Variants in DNASE1L3 observed in about 807,000 individuals in gnomAD.
DNASE1L3 encodes deoxyribonuclease 1L3, also known as deoxyribonuclease gamma.
A neutral mutation model predicts 30.9 loss-of-function variants in DNASE1L3; 27 were observed. That is an observed-to-expected ratio of 0.87 (90% confidence interval 0.64 to 1.20). The LOEUF (loss-of-function observed/expected upper bound fraction) is 1.20, where lower values mean the gene tolerates loss of function less well. DNASE1L3 is among the 50% of genes most tolerant of loss of function. The pLI is 0.00. For missense variants in DNASE1L3, 364 were observed against 378.2 expected, an observed-to-expected ratio of 0.96 and a Z score of 0.31; for synonymous variants, 135 against 138.0, an observed-to-expected ratio of 0.98 and a Z score of 0.15.
In DNASE1L3 at chr3:58,197,803, C is replaced by T. The variant is rs756526411; in HGVS notation, c.704+18G>A. 2.5e-6 allele frequency: 4 copies of T among 1,613,158 alleles called. No homozygotes were observed. The highest frequency in any genetic ancestry group is 3.4e-6 in the Non-Finnish European group (4 of 1,179,968). On this transcript the variant is annotated intron_variant, in intron 6 of 7. Transcript: ENST00000394549. The surrounding 1 kb of genome is among the most constrained non-coding windows in gnomAD (Gnocchi z 5.3). ...CAAGCACTGTGGTGAGCCAGCAGCA[C>T]CCTGCAGGGCCTCCTACCTGTCATA...
intron 2 of DNASE1L3, among the ~76,000 whole-genome samples, chr3:58,206,786 G>A (rs967413312): frequency 4.6e-5 from 7 of 152,162 alleles, no homozygotes; most frequent in Non-Finnish European, 1.0e-4. Context: ...AGATGACAAA[G>A]AATAGAGCAC....
intron 4 of DNASE1L3, among the ~76,000 whole-genome samples, chr3:58,202,810 G>A (rs1384443847): frequency 2.0e-5 from 3 of 151,006 alleles, no homozygotes; most frequent in East Asian, 2.0e-4. Context: ...CCTAGATCAC[G>A]CCACTGCACT....
intron 6 of DNASE1L3, among the ~76,000 whole-genome samples, chr3:58,196,189 G>A (rs149690903): frequency 9.2e-5 from 14 of 152,026 alleles, no homozygotes; most frequent in African/African-American, 2.2e-4. Context: ...GTAACTCCCC[G>A]CCTTGGGTTC....
intron 1 of DNASE1L3, among the ~76,000 whole-genome samples, chr3:58,208,550 G>A (rs747851778): frequency 1.5e-4 from 23 of 152,180 alleles, no homozygotes; most frequent in Non-Finnish European, 2.6e-4. Flanking sequence ...AGAAAATGGC[G>A]GAGGCAGAAT....
intron 1 of DNASE1L3, among the ~76,000 whole-genome samples, chr3:58,209,160 G>A (rs1484705778): frequency 1.3e-5 from 2 of 152,164 alleles, no homozygotes; most frequent in African/African-American, 4.8e-5. Context: ...TGGCATTCTC[G>A]GGTGACTGTG....
At chr3:58,203,708 G>A (rs1031117397) in intron 4 of DNASE1L3, among the ~76,000 whole-genome samples, 10 of 152,132 alleles carry the variant, frequency 6.6e-5, no homozygotes, top group African/African-American at 1.7e-4. Flanking sequence ...GCTGAGGTGC[G>A]AAGATTGCTT....
Position 58,200,922 on chromosome 3 carries a change from A to G in DNASE1L3, c.546+75T>C. 1 of 1,191,888 alleles carries G rather than the reference A, an allele frequency of 8.4e-7. No individual in the cohort carries two copies. The highest frequency in any genetic ancestry group is 1.2e-6 in the Non-Finnish European group (1 of 826,956). The allele number at this position is 1,191,888 out of a possible 1,614,324, so 73.8% of individuals were successfully genotyped here. On this transcript the variant is annotated intron_variant, in intron 5 of 7. Coordinates refer to ENST00000394549, the MANE Select transcript of DNASE1L3 (RefSeq NM_004944.4). The surrounding 1 kb of genome is among the most constrained non-coding windows in gnomAD (Gnocchi z 4.2). ...TGCCCTTCCTCCTCCCCCTCCCTGG[A>G]GAGGTACTCATCCCACTCAGGGACC... is the stretch of plus-strand genomic sequence containing the variant.
Position 58,192,919 on chromosome 3 carries a change from C to T in DNASE1L3, c.802-116G>A. 6 of 1,497,814 alleles carry T rather than the reference C, an allele frequency of 4.0e-6. No individual in the cohort carries two copies. The highest frequency in any genetic ancestry group is 5.3e-6 in the Non-Finnish European group (6 of 1,131,026). 92.8% of individuals were successfully genotyped at this position (1,497,814 alleles called of 1,614,324 possible). A position where few individuals can be genotyped will look rare whatever the true frequency, so the allele number is the denominator to read the frequency against. The stretch of plus-strand genomic sequence containing the variant: ...GGGGAGAGGAAATGCCCGAAGTCAC[C>T]CCACAGAACACTTACTGGTAAGCGT... On this transcript the variant is annotated intron_variant, in intron 7 of 7. Coordinates refer to ENST00000394549, the MANE Select transcript of DNASE1L3 (RefSeq NM_004944.4). The surrounding 1 kb of genome is among the most constrained non-coding windows in gnomAD (Gnocchi z 4.8).
At position 58,204,903 on chromosome 3, in the gene DNASE1L3, C is replaced by T. The variant is rs374982797; in HGVS notation, c.321-22G>A. On this transcript the variant is annotated intron_variant, in intron 3 of 7. Coordinates refer to ENST00000394549, the MANE Select transcript of DNASE1L3 (RefSeq NM_004944.4). ...TTCCCTATAAGAAGGAAAAGGAAGT[C>T]CTCCCAGCTGAGTCAGCCCTTTTCT... 38 of 1,609,106 alleles carry T rather than the reference C, an allele frequency of 2.4e-5. No individual in the cohort carries two copies. The African/African-American group carries it at 4.9e-4, about 21-fold the overall frequency.
chr3:58,198,005 C>T (rs756778362), intron 5 of DNASE1L3, 27 bp from the exon 6 acceptor site: 3 of 1,586,410 alleles, frequency 1.9e-6, no homozygotes, highest in Non-Finnish European at 2.6e-6. Flanking sequence ...GGAACTGTCA[C>T]CTGGTGGGTG....
intron 4 of DNASE1L3, among the ~76,000 whole-genome samples, chr3:58,204,141 A>ATTTT (rs10662293): frequency 0.046 from 6,530 of 141,264 alleles, 175 homozygotes; most frequent in Non-Finnish European, 0.052. Flanking sequence ...ATTGCTTAGG[A>ATTTT]TTTTTTTTTT....
chr3:58,199,132 T>G (rs1559756488), intron 5 of DNASE1L3, among the ~76,000 whole-genome samples: 2 of 152,216 alleles, frequency 1.3e-5, no homozygotes. Context: ...CCATGATTGA[T>G]GGGTTCAGTT....
chr3:58,200,479 T>C lies in DNASE1L3; in HGVS notation c.546+518A>G, dbSNP rs1172455847. On this transcript the variant is annotated intron_variant, in intron 5 of 7. Transcript: ENST00000394549. The surrounding 1 kb of genome is among the most constrained non-coding windows in gnomAD (Gnocchi z 4.2). ...AAGGAAGAGACAAATCAAGCTCTGA[T>C]TACCTTGTCTGAGCCCTGGATCCAG... is the stretch of plus-strand genomic sequence containing the variant. Among the ~76,000 whole-genome samples the C allele has an allele frequency of 2.6e-5, 4 of 152,146 alleles. No homozygotes were observed. The highest frequency in any genetic ancestry group is 5.9e-5 in the Non-Finnish European group (4 of 68,038).
In DNASE1L3 at chr3:58,208,867, A is replaced by G. The variant is rs538394993; in HGVS notation, c.142-561T>C. On this transcript the variant is annotated intron_variant, in intron 1 of 7. Coordinates refer to ENST00000394549, the MANE Select transcript of DNASE1L3 (RefSeq NM_004944.4). ...GTGGTTGAGTGACTAGCTTAAAGTC[A>G]TACAGCCAGGATAGGTGGTAGAGTC... 3.2e-3 allele frequency among the ~76,000 whole-genome samples: 491 copies of G among 152,318 alleles called. 1 individual carries two copies. The highest frequency in any genetic ancestry group is 5.7e-3 in the Non-Finnish European group (385 of 68,024).
In DNASE1L3 at chr3:58,192,562, A is replaced by C. The variant is rs1559754111; in HGVS notation, c.*125T>G. On this transcript the variant is annotated 3_prime_UTR_variant, in exon 8 of 8. Coordinates refer to ENST00000394549, the MANE Select transcript of DNASE1L3 (RefSeq NM_004944.4). This position sits in a 1 kb window ranked among gnomAD's most constrained non-coding sequence, Gnocchi z 4.8. ...TTCCAATTTGGCTCAAGTCAGAATAAATTCAGGTCAAAAAATGAAAGCAGT... is the reference window on the plus strand; with the variant it reads ...TTCCAATTTGGCTCAAGTCAGAATACATTCAGGTCAAAAAATGAAAGCAGT... 9 of 1,073,198 alleles carry C rather than the reference A, an allele frequency of 8.4e-6. No homozygotes were observed. In the East Asian group the frequency reaches 2.2e-4, roughly 27 times the overall value. The allele number at this position is 1,073,198 out of a possible 1,614,324, so 66.5% of individuals were successfully genotyped here.
intron 1 of DNASE1L3, among the ~76,000 whole-genome samples, chr3:58,210,260 G>GAA (rs1016120240): frequency 2.6e-5 from 4 of 151,398 alleles, no homozygotes; most frequent in African/African-American, 7.3e-5. Context: ...AAGAAAGAAA[G>GAA]AGAGAAAGAA....
chr3:58,201,060 G>T lies in DNASE1L3; in HGVS notation c.483C>A (p.Ser161=), dbSNP rs375425278. The change falls in exon 5 of 8, where the codon TCC becomes TCA. Residue 161 remains serine, a synonymous_variant. Transcript: ENST00000394549. The part of the protein sequence containing the change: ...IIPLHTTPET[S]VKEIDELVEV... ...CAACCAACTCATCGATCTCCTTAACGGATGTCTCTGGGGTGGTGTGCAGGG... is the reference window on the plus strand; with the variant it reads ...CAACCAACTCATCGATCTCCTTAACTGATGTCTCTGGGGTGGTGTGCAGGG... 1 of 1,613,550 alleles carries T rather than the reference G, an allele frequency of 6.2e-7. No individual in the cohort carries two copies. Among genetic ancestry groups the T allele is most frequent in the Middle Eastern group, 1.6e-4 (1 of 6,062 alleles).
Position 58,208,308 on chromosome 3 carries a change from T to C in DNASE1L3, c.142-2A>G, listed in dbSNP as rs2097405382. On this transcript the variant is annotated splice_acceptor_variant, in intron 1 of 7. Coordinates refer to ENST00000394549, the MANE Select transcript of DNASE1L3 (RefSeq NM_004944.4). LOFTEE classifies it high-confidence loss of function. Reference sequence around the variant, plus strand: ...TATGATGTCACAGCGTTTGATGACCTGCAAGAAAGAGAATTCCCAGGGGTT... The same window carrying C: ...TATGATGTCACAGCGTTTGATGACCCGCAAGAAAGAGAATTCCCAGGGGTT... 2 of 1,614,074 alleles carry C rather than the reference T, an allele frequency of 1.2e-6. No individual in the cohort carries two copies. Among genetic ancestry groups the C allele is most frequent in the Admixed American group, 3.3e-5 (2 of 60,008 alleles).
Position 58,192,619 on chromosome 3 carries a change from C to A in DNASE1L3, c.*68G>T. ...ACTCTTGTTTCCTAAGTACAGGGAGCAGTTCATATCTGTTAGAGACATTTT... is the reference window on the plus strand; with the variant it reads ...ACTCTTGTTTCCTAAGTACAGGGAGAAGTTCATATCTGTTAGAGACATTTT... On this transcript the variant is annotated 3_prime_UTR_variant, in exon 8 of 8. Transcript: ENST00000394549. The surrounding 1 kb of genome is among the most constrained non-coding windows in gnomAD (Gnocchi z 4.8). The A allele has an allele frequency of 6.8e-7, 1 of 1,463,536 alleles. No individual in the cohort carries two copies. The highest frequency in any genetic ancestry group is 1.8e-4 in the Middle Eastern group (1 of 5,542). 90.7% of individuals were successfully genotyped at this position (1,463,536 alleles called of 1,614,324 possible).
Sources: allele counts gnomAD v4.1 joint callset (sites outside exome capture counted in the v4.1 genomes callset), GRCh38; gene constraint gnomAD v4.1.1; non-coding constraint Gnocchi (gnomAD v3.1); transcripts MANE v1.5; gene names NCBI Gene and HGNC (gene_info 2026-07-23, HGNC 2026-07-21).